The following CCM2 variants were observed in gnomAD, a reference collection of about 807,000 sequenced individuals.
CCM2 encodes the protein cerebral cavernous malformations 2 protein.
CCM2 carries 25 observed loss-of-function variants against 44.9 expected under a neutral mutation model. The ratio of observed to expected loss-of-function variants is 0.56; its 90% CI spans 0.41 to 0.78. CCM2 has a LOEUF of 0.78. CCM2 is among the 30% of genes least tolerant of loss of function. The pLI, the probability that CCM2 is intolerant of heterozygous loss-of-function variation, is 0.00. For synonymous variants in CCM2, 219 were observed against 241.1 expected (o/e 0.91, Z 0.85); for missense variants, 481 against 580.6 (o/e 0.83, Z 1.76).
Position 45,068,554 on chromosome 7 carries a change from T to C in CCM2, c.584T>C (p.Leu195Pro). 1 of 1,614,092 alleles carries C rather than the reference T, an allele frequency of 6.2e-7. No homozygotes were observed. Among genetic ancestry groups the C allele is most frequent in the Non-Finnish European group, 8.5e-7 (1 of 1,180,002 alleles). ...SAVGPVEACC[L>P]VILAAESKVA... ...GTTGGGCCCGTGGAGGCATGCTGCC[T>C]GGTCATCCTGGCTGCAGAGAGCAAG... The change falls in exon 5 of 10, where the codon CTG becomes CCG. Residue 195 changes from leucine to proline, a missense_variant. By Grantham distance (98) the Leu-to-Pro change is moderately conservative (BLOSUM62 -3). Coordinates refer to ENST00000258781, the MANE Select transcript of CCM2 (RefSeq NM_031443.4).
At chr7:45,062,929 G>A (rs750777870) in intron 2 of CCM2, among the ~76,000 whole-genome samples, 9 of 152,152 alleles carry the variant, frequency 5.9e-5, no homozygotes, top group South Asian at 2.1e-4. Context: ...ATCCCAGGGC[G>A]AAAGGTGGAA....
At chr7:45,007,977 G>A (rs1450110379) in intron 1 of CCM2, among the ~76,000 whole-genome samples, 4 of 151,514 alleles carry the variant, frequency 2.6e-5, no homozygotes, top group African/African-American at 7.3e-5. Context: ...TTGTCACCAT[G>A]AGCTCTCTGG....
rs187505526 is a variant in CCM2, at chr7:45,075,771, C to T, written c.1055-6C>T. 1.7e-4 allele frequency: 279 copies of T among 1,613,598 alleles called. 2 individuals carry two copies. The African/African-American group carries it at 3.3e-3, about 19-fold the overall frequency. Reference sequence around the variant, plus strand: ...AGGTGCCATGCTGGGTGTTGTGTGTCTGCAGGTCTGAGGCCCTTCATCCCT... The same window carrying T: ...AGGTGCCATGCTGGGTGTTGTGTGTTTGCAGGTCTGAGGCCCTTCATCCCT... On this transcript the variant is annotated splice_polypyrimidine_tract_variant and splice_region_variant and intron_variant, in intron 9 of 9. Coordinates refer to ENST00000258781, the MANE Select transcript of CCM2 (RefSeq NM_031443.4).
chr7:45,001,264 G>A (rs1795613992), intron 1 of CCM2, among the ~76,000 whole-genome samples: 1 of 152,174 alleles, frequency 6.6e-6, no homozygotes, highest in African/African-American at 2.4e-5. Flanking sequence ...GTAGCCAGGT[G>A]GCCTTCAGGG....
intron 1 of CCM2, among the ~76,000 whole-genome samples, chr7:45,023,029 C>T (rs1796542069): frequency 6.6e-6 from 1 of 152,118 alleles, no homozygotes; most frequent in Non-Finnish European, 1.5e-5. Context: ...GCATGAGCCA[C>T]CTCACCCTGC....
chr7:45,075,764 T>C lies in CCM2; in HGVS notation c.1055-13T>C. Reference sequence around the variant, plus strand: ...GAACTGGAGGTGCCATGCTGGGTGTTGTGTGTCTGCAGGTCTGAGGCCCTT... The same window carrying C: ...GAACTGGAGGTGCCATGCTGGGTGTCGTGTGTCTGCAGGTCTGAGGCCCTT... On this transcript the variant is annotated splice_polypyrimidine_tract_variant and intron_variant, in intron 9 of 9. Coordinates refer to ENST00000258781, the MANE Select transcript of CCM2 (RefSeq NM_031443.4). 1 of 1,613,522 alleles carries C rather than the reference T, an allele frequency of 6.2e-7. No individual in the cohort carries two copies. Among genetic ancestry groups the C allele is most frequent in the Non-Finnish European group, 8.5e-7 (1 of 1,179,996 alleles).
intron 2 of CCM2, among the ~76,000 whole-genome samples, chr7:45,058,400 T>C (rs1798363582): frequency 6.6e-6 from 1 of 152,036 alleles, no homozygotes; most frequent in Non-Finnish European, 1.5e-5. Context: ...ACATGTGCCA[T>C]GTTGGTGTGC....
At chr7:45,045,239 C>T (rs1393423754) in intron 2 of CCM2, among the ~76,000 whole-genome samples, 1 of 152,138 alleles carries the variant, frequency 6.6e-6, no homozygotes, top group South Asian at 2.1e-4. Context: ...GAAAAATCAG[C>T]GCCTGGTTTC....
At chr7:45,072,511 A>G in intron 6 of CCM2, 1 of 638,978 alleles carries the variant, frequency 1.6e-6, no homozygotes, top group East Asian at 2.7e-5. Context: ...ATTTGCCAGG[A>G]TCCCCAGGAG....
At chr7:45,040,658 G>A (rs1026781747) in intron 2 of CCM2, among the ~76,000 whole-genome samples, 21 of 152,118 alleles carry the variant, frequency 1.4e-4, no homozygotes, top group African/African-American at 4.6e-4. Context: ...ACAGAAGCCT[G>A]TTCTTAGAAG....
At chr7:45,028,532 C>G (rs963478028) in intron 1 of CCM2, among the ~76,000 whole-genome samples, 9 of 152,034 alleles carry the variant, frequency 5.9e-5, no homozygotes, top group Admixed American at 2.0e-4. Context: ...CGGCACGCAC[C>G]TGTAATCCCA....
chr7:45,073,209 C>T (rs913050956), intron 7 of CCM2: 3 of 590,790 alleles, frequency 5.1e-6, no homozygotes, highest in African/African-American at 3.7e-5. Flanking sequence ...CTGCCCACTG[C>T]CTTGACCTGT....
At chr7:45,012,217 T>G (rs1297992489) in intron 1 of CCM2, among the ~76,000 whole-genome samples, 2 of 145,438 alleles carry the variant, frequency 1.4e-5, no homozygotes, top group Non-Finnish European at 3.0e-5. Flanking sequence ...AACTGCAACC[T>G]CCACCTCCTG....
Position 45,075,939 on chromosome 7 carries a change from C to T in CCM2, c.1217C>T (p.Thr406Met), listed in dbSNP as rs150734280. 286 of 1,613,194 alleles carry T rather than the reference C, an allele frequency of 1.8e-4. No individual in the cohort carries two copies. In the African/African-American group the frequency reaches 3.3e-3, roughly 19 times the overall value. The change falls in exon 10 of 10, where the codon ACG (threonine) becomes ATG (methionine). Residue 406 changes from threonine to methionine, a missense_variant. Transcript: ENST00000258781. The part of the protein sequence containing the change: ...SSSTTNGNRA[T>M]GSSDDRSAPS... ...TCCACCACCAATGGGAACAGGGCCACGGGCAGCTCTGATGACCGGTCGGCA... is the reference window on the plus strand; with the variant it reads ...TCCACCACCAATGGGAACAGGGCCATGGGCAGCTCTGATGACCGGTCGGCA...
At chr7:45,021,791 A>C (rs1026485722) in intron 1 of CCM2, among the ~76,000 whole-genome samples, 12 of 151,650 alleles carry the variant, frequency 7.9e-5, no homozygotes, top group Non-Finnish European at 1.8e-4. Context: ...AGGAAGGTGG[A>C]GTCATTGTTC....
At chr7:45,012,886 C>T (rs1481312763) in intron 1 of CCM2, among the ~76,000 whole-genome samples, 1 of 152,092 alleles carries the variant, frequency 6.6e-6, no homozygotes. Context: ...TGGTGTGTGT[C>T]TTTCAACAAG....
At chr7:45,009,805 A>G (rs1361697577) in intron 1 of CCM2, among the ~76,000 whole-genome samples, 2 of 152,102 alleles carry the variant, frequency 1.3e-5, no homozygotes, top group African/African-American at 2.4e-5. Context: ...AATTGCAGAC[A>G]TTGTTTCACT....
chr7:45,043,969 T>G (rs1015811190), intron 2 of CCM2, among the ~76,000 whole-genome samples: 2 of 152,240 alleles, frequency 1.3e-5, no homozygotes. Flanking sequence ...GAATATTTAT[T>G]AGGATTATTG....
chr7:45,004,533 A>C (rs924225999), intron 1 of CCM2, among the ~76,000 whole-genome samples: 4 of 152,184 alleles, frequency 2.6e-5, no homozygotes, highest in Non-Finnish European at 5.9e-5. Context: ...AGGAACTGAA[A>C]GCTTGGATTG....
Sources: gnomAD v4.1 joint callset for allele counts (sites outside exome capture counted in the v4.1 genomes callset) on GRCh38, gnomAD v4.1.1 for gene constraint, MANE v1.5 for transcripts, NCBI Gene and HGNC (gene_info 2026-07-23, HGNC 2026-07-21) for gene names.